Variants in AVL9 observed in about 807,000 individuals in gnomAD.
AVL9 encodes AVL9 cell migration associated.
A neutral mutation model predicts 79.2 loss-of-function variants in AVL9; 49 were observed. That is an observed-to-expected ratio of 0.62 (90% CI 0.49 to 0.79). The LOEUF is 0.79. AVL9 is among the 30% of genes least tolerant of loss of function. The probability of loss-of-function intolerance (pLI) is 0.00; values close to 1 mark genes in which losing one functional copy is unlikely to be tolerated. For missense variants in AVL9, 682 were observed against 776.8 expected (o/e 0.88, Z 1.45); for synonymous variants, 299 against 280.6 (o/e 1.07, Z -0.65).
intron 1 of AVL9, among the ~76,000 whole-genome samples, chr7:32,503,572 A>C (rs190431493): frequency 6.7e-6 from 1 of 150,146 alleles, no homozygotes; most frequent in Non-Finnish European, 1.5e-5. Flanking sequence ...AAAAAAAAAA[A>C]AAAACTAGAT....
At chr7:32,576,782 GT>G (rs1040593178) in intron 13 of AVL9, among the ~76,000 whole-genome samples, 1 of 151,758 alleles carries the variant, frequency 6.6e-6, no homozygotes, top group Non-Finnish European at 1.5e-5. Flanking sequence ...GGGAGACTTT[GT>G]CTCAAAAGAA....
rs189989557 is a variant in AVL9, at chr7:32,580,335, T to C, written c.1742+63T>C. The C allele has an allele frequency of 1.5e-3, 1,992 of 1,304,498 alleles. 6 individuals carry two copies. The highest frequency in any genetic ancestry group is 3.1e-3 in the Middle Eastern group (14 of 4,570). The allele number at this position is 1,304,498 out of a possible 1,614,324, so 80.8% of individuals were successfully genotyped here. A position where few individuals can be genotyped will look rare whatever the true frequency, so the allele number is the denominator to read the frequency against. ...TCTGAATTTATGCCATGTGTTTCATTGCTAATTGGGAATTGTTTTTCTCTA... is the reference window on the plus strand; with the variant it reads ...TCTGAATTTATGCCATGTGTTTCATCGCTAATTGGGAATTGTTTTTCTCTA... On this transcript the variant is annotated intron_variant, in intron 14 of 15. Transcript: ENST00000318709.
At chr7:32,572,182 A>C (rs188104040) in intron 11 of AVL9, among the ~76,000 whole-genome samples, 1,777 of 151,000 alleles carry the variant, frequency 0.012, 146 homozygotes, top group Admixed American at 0.11. Context: ...GAAAAAAAAA[A>C]AATTCAGCCA....
chr7:32,559,453 A>G lies in AVL9; in HGVS notation c.1204A>G (p.Ile402Val). ...GGATCAGTATGGCATGCCCCTGGCC[A>G]TCTTCACAAAGGTAAAGTGTAATAT... ...EEDQYGMPLA[I>V]FTKGYLCLPY... The change falls in exon 10 of 16, where the codon ATC becomes GTC. Residue 402 changes from isoleucine to valine, a missense_variant. By Grantham distance (29) the Ile-to-Val change is conservative. Coordinates refer to ENST00000318709, the MANE Select transcript of AVL9 (RefSeq NM_015060.3). 1 of 1,539,842 alleles carries G rather than the reference A, an allele frequency of 6.5e-7. No individual in the cohort carries two copies. Among genetic ancestry groups the G allele is most frequent in the Non-Finnish European group, 8.7e-7 (1 of 1,146,246 alleles).
chr7:32,527,640 A>ACACCCTTGACCATAGGGAGT (rs1321628186), intron 1 of AVL9, among the ~76,000 whole-genome samples: 1 of 152,136 alleles, frequency 6.6e-6, no homozygotes, highest in Non-Finnish European at 1.5e-5. Context: ...GCTGACTCTA[A>ACACCCTTGACCATAGGGAGT]CACCCTTGAC....
chr7:32,565,794 G>A (rs1317103684), intron 10 of AVL9, among the ~76,000 whole-genome samples: 1 of 151,996 alleles, frequency 6.6e-6, no homozygotes, highest in Non-Finnish European at 1.5e-5. Context: ...CATCATCTGA[G>A]GTCAAGAGAT....
intron 1 of AVL9, chr7:32,535,028 G>T (rs2128130465): frequency 6.6e-6 from 1 of 152,268 alleles, no homozygotes; most frequent in South Asian, 2.1e-4. Context: ...TACAAATGTA[G>T]ATATTCTTTA....
chr7:32,559,385 G>A lies in AVL9; in HGVS notation c.1136G>A (p.Gly379Glu). 1 of 1,613,660 alleles carries A rather than the reference G, an allele frequency of 6.2e-7. No individual in the cohort carries two copies. The highest frequency in any genetic ancestry group is 8.5e-7 in the Non-Finnish European group (1 of 1,179,886). ...PITVQPQANT[G>E]QVVLIPGLIS... ...ACTGTACAACCTCAAGCTAATACGG[G>A]ACAGGTAGTCCTGATACCAGGGCTC... The change falls in exon 10 of 16, where the codon GGA (glycine) becomes GAA (glutamate). Residue 379 changes from glycine to glutamate, a missense_variant. Coordinates refer to ENST00000318709, the MANE Select transcript of AVL9 (RefSeq NM_015060.3).
intron 10 of AVL9, among the ~76,000 whole-genome samples, chr7:32,564,957 A>T (rs1228906929): frequency 1.3e-5 from 2 of 152,172 alleles, no homozygotes; most frequent in African/African-American, 4.8e-5. Context: ...AGGGAAGTGG[A>T]AAAAAAGATA....
intron 1 of AVL9, among the ~76,000 whole-genome samples, chr7:32,518,353 T>G (rs536949118): frequency 1.3e-5 from 2 of 152,304 alleles, no homozygotes; most frequent in South Asian, 4.1e-4. Flanking sequence ...AAATAATTAG[T>G]TAAATGTAAT....
intron 1 of AVL9, among the ~76,000 whole-genome samples, chr7:32,509,559 G>A (rs903677896): frequency 6.6e-6 from 1 of 152,176 alleles, no homozygotes; most frequent in East Asian, 1.9e-4. Context: ...TCCAAAGGTA[G>A]AGGCTTGTAT....
chr7:32,552,951 T>C (rs1789900938), intron 6 of AVL9, among the ~76,000 whole-genome samples: 1 of 152,186 alleles, frequency 6.6e-6, no homozygotes, highest in Non-Finnish European at 1.5e-5. Flanking sequence ...TTATACTATC[T>C]TGACAACCCA....
intron 1 of AVL9, among the ~76,000 whole-genome samples, chr7:32,509,331 C>T (rs1787550026): frequency 6.6e-6 from 1 of 152,062 alleles, no homozygotes; most frequent in Admixed American, 6.6e-5. Context: ...AAAAACAAAA[C>T]TCTGTACCCT....
intron 10 of AVL9, among the ~76,000 whole-genome samples, chr7:32,560,756 CTATCCA>C (rs1368780813): frequency 6.6e-6 from 1 of 152,212 alleles, no homozygotes; most frequent in Non-Finnish European, 1.5e-5. Context: ...AAAGGAATCA[CTATCCA>C]TGGCAGCTAT....
chr7:32,497,211 T>G (rs1786867467), intron 1 of AVL9, among the ~76,000 whole-genome samples: 1 of 152,106 alleles, frequency 6.6e-6, no homozygotes, highest in Non-Finnish European at 1.5e-5. Context: ...CAAAATTAGC[T>G]GCGCGTGGTG....
At chr7:32,580,671 T>C (rs1411484668) in intron 14 of AVL9, 131 bp from the exon 15 acceptor site, 1 of 625,676 alleles carries the variant, frequency 1.6e-6, no homozygotes, top group Non-Finnish European at 2.8e-6. Context: ...ATTTAGCTTC[T>C]TTTCTCAGTA....
At chr7:32,516,341 T>C (rs1787899647) in intron 1 of AVL9, among the ~76,000 whole-genome samples, 1 of 148,116 alleles carries the variant, frequency 6.8e-6, no homozygotes, top group Non-Finnish European at 1.5e-5. Context: ...AATTCAGAGG[T>C]GCATTCTACA....
chr7:32,513,138 G>T (rs1316855134), intron 1 of AVL9, among the ~76,000 whole-genome samples: 4 of 152,192 alleles, frequency 2.6e-5, no homozygotes, highest in Non-Finnish European at 2.9e-5. Flanking sequence ...TCCTTGTTGA[G>T]TAACCTGCAA....
intron 1 of AVL9, among the ~76,000 whole-genome samples, chr7:32,539,674 A>G (rs1789086025): frequency 6.6e-6 from 1 of 152,162 alleles, no homozygotes; most frequent in Admixed American, 6.5e-5. Context: ...AATTACCACA[A>G]ATGTAGTGCC....
Sources: allele counts gnomAD v4.1 joint callset (sites outside exome capture counted in the v4.1 genomes callset), GRCh38; gene constraint gnomAD v4.1.1; transcripts MANE v1.5; gene names NCBI Gene and HGNC (gene_info 2026-07-23, HGNC 2026-07-21).